Variants in KCND2 observed in about 807,000 individuals in gnomAD.
The protein encoded by KCND2 is A-type voltage-gated potassium channel KCND2.
Under a neutral mutation model 54.4 loss-of-function variants are expected in KCND2, and 16 were observed. The observed-to-expected ratio is 0.29, with a 90% CI of 0.20 to 0.45. The LOEUF (loss-of-function observed/expected upper bound fraction) is 0.45. Ranked by LOEUF, KCND2 falls within the 20% of genes least tolerant of loss-of-function variation. KCND2 has a pLI of 1.00. For missense variants in KCND2, 486 were observed against 824.2 expected, an observed-to-expected ratio of 0.59 and a Z score of 5.02; for synonymous variants, 317 against 310.7, an observed-to-expected ratio of 1.02 and a Z score of -0.21.
intron 1 of KCND2, among the ~76,000 whole-genome samples, chr7:120,417,963 AT>A (rs1351245140): frequency 6.6e-6 from 1 of 152,214 alleles, no homozygotes; most frequent in Admixed American, 6.5e-5. Context: ...ATAGGATAAA[AT>A]ATTCATGTTA....
At chr7:120,466,672 A>C (rs926075144) in intron 1 of KCND2, among the ~76,000 whole-genome samples, 7 of 152,142 alleles carry the variant, frequency 4.6e-5, no homozygotes, top group Admixed American at 4.6e-4. Flanking sequence ...ACCAACATTA[A>C]AGGTATATGC....
intron 1 of KCND2, among the ~76,000 whole-genome samples, chr7:120,312,891 C>G (rs1799759343): frequency 6.6e-6 from 1 of 152,008 alleles, no homozygotes; most frequent in Admixed American, 6.6e-5. Context: ...AAACTTGTGA[C>G]TTTTTTTAAA....
intron 1 of KCND2, among the ~76,000 whole-genome samples, chr7:120,595,746 T>C (rs924590547): frequency 6.6e-6 from 1 of 151,634 alleles, no homozygotes; most frequent in Admixed American, 6.6e-5. Flanking sequence ...TGTGTAAAAA[T>C]AATTGAACTT....
At chr7:120,633,309 A>C (rs1038004029) in intron 1 of KCND2, among the ~76,000 whole-genome samples, 2 of 152,210 alleles carry the variant, frequency 1.3e-5, no homozygotes, top group African/African-American at 4.8e-5. Context: ...CAAAGAGATT[A>C]GTTCATTTTG....
chr7:120,487,646 C>A (rs1222565605), intron 1 of KCND2, among the ~76,000 whole-genome samples: 6 of 152,094 alleles, frequency 3.9e-5, no homozygotes, highest in African/African-American at 1.4e-4. Context: ...AATGCAGTGA[C>A]CATGTGTGGT....
chr7:120,306,737 C>T (rs1799655421), intron 1 of KCND2, among the ~76,000 whole-genome samples: 1 of 151,946 alleles, frequency 6.6e-6, no homozygotes. Flanking sequence ...TATCATATTT[C>T]TCTTGAGCAT....
At chr7:120,394,131 T>C (rs1321583968) in intron 1 of KCND2, among the ~76,000 whole-genome samples, 1 of 151,970 alleles carries the variant, frequency 6.6e-6, no homozygotes, top group African/African-American at 2.4e-5. Context: ...TGAGACCGCA[T>C]CATTGAAGTA....
At chr7:120,508,445 A>G (rs555316827) in intron 1 of KCND2, among the ~76,000 whole-genome samples, 1 of 151,984 alleles carries the variant, frequency 6.6e-6, no homozygotes, top group Non-Finnish European at 1.5e-5. Context: ...TGCCAGAAAG[A>G]TGTTTTCAAG....
rs748330115 is a variant in KCND2 at position 120,684,415 on chromosome 7, C to A, written c.1116-48488C>A. Among the ~76,000 whole-genome samples, 46 of 152,074 alleles carry A rather than the reference C, an allele frequency of 3.0e-4. 1 individual carries two copies. Among genetic ancestry groups the A allele is most frequent in the Non-Finnish European group, 5.6e-4 (38 of 68,004 alleles). On this transcript the variant is annotated intron_variant, in intron 1 of 5. Transcript: ENST00000331113. ...TATAACAAGATATGTAAATTTCCTT[C>A]TTGGTGATAAGTGTAGCAAATTGCT...
rs777146396 is a variant in KCND2, at chr7:120,677,284, G to A, written c.1116-55619G>A. 7.2e-4 allele frequency among the ~76,000 whole-genome samples: 109 copies of A among 152,160 alleles called. 1 individual carries two copies. The highest frequency in any genetic ancestry group is 1.1e-3 in the Non-Finnish European group (77 of 67,986). ...CAAAGTATTTGCATGACTTACATCG[G>A]GGTTCTTTCAGTAGCCAGTCACCTT... On this transcript the variant is annotated intron_variant, in intron 1 of 5. Coordinates refer to ENST00000331113, the MANE Select transcript of KCND2 (RefSeq NM_012281.3).
At chr7:120,645,473 A>G (rs1793428388) in intron 1 of KCND2, among the ~76,000 whole-genome samples, 1 of 151,972 alleles carries the variant, frequency 6.6e-6, no homozygotes, top group South Asian at 2.1e-4. Flanking sequence ...GGCTGACCAC[A>G]TGACATGTGC....
At chr7:120,669,757 G>T (rs1349010264) in intron 1 of KCND2, among the ~76,000 whole-genome samples, 1 of 152,104 alleles carries the variant, frequency 6.6e-6, no homozygotes, top group African/African-American at 2.4e-5. Flanking sequence ...AAAACTTTCA[G>T]ATCTTAACCC....
intron 1 of KCND2, among the ~76,000 whole-genome samples, chr7:120,668,945 A>G (rs907035254): frequency 1.3e-5 from 2 of 152,076 alleles, no homozygotes; most frequent in Non-Finnish European, 2.9e-5. Context: ...AAAATGTTTT[A>G]CAGATGATCC....
chr7:120,349,051 T>G (rs1800363875), intron 1 of KCND2, among the ~76,000 whole-genome samples: 1 of 152,136 alleles, frequency 6.6e-6, no homozygotes, highest in African/African-American at 2.4e-5. Context: ...TTTAGTTAGC[T>G]CACTACAGAA....
intron 1 of KCND2, among the ~76,000 whole-genome samples, chr7:120,547,746 T>C (rs1792060488): frequency 6.6e-6 from 1 of 152,098 alleles, no homozygotes; most frequent in African/African-American, 2.4e-5. Flanking sequence ...AACAGGTGCT[T>C]CCTACATGTT....
intron 1 of KCND2, among the ~76,000 whole-genome samples, chr7:120,571,087 C>T (rs1010868388): frequency 7.9e-5 from 12 of 152,266 alleles, no homozygotes; most frequent in African/African-American, 2.4e-4. Flanking sequence ...TACACCCCTA[C>T]GAGCTTCACT....
At chr7:120,326,591 C>G (rs1799982560) in intron 1 of KCND2, among the ~76,000 whole-genome samples, 1 of 151,950 alleles carries the variant, frequency 6.6e-6, no homozygotes, top group African/African-American at 2.4e-5. Context: ...TAGAAGAACA[C>G]TTCAAGAAAG....
chr7:120,604,932 T>G (rs1045587383), intron 1 of KCND2, among the ~76,000 whole-genome samples: 1 of 152,204 alleles, frequency 6.6e-6, no homozygotes, highest in African/African-American at 2.4e-5. Flanking sequence ...TCCTACTCTA[T>G]CCAATTGTAA....
intron 1 of KCND2, among the ~76,000 whole-genome samples, chr7:120,422,037 A>G (rs1202113631): frequency 6.6e-6 from 1 of 152,232 alleles, no homozygotes; most frequent in East Asian, 1.9e-4. Flanking sequence ...TCTTTAGGAA[A>G]ATCATTAAGT....
Sources: allele counts gnomAD v4.1 joint callset (sites outside exome capture counted in the v4.1 genomes callset), GRCh38; gene constraint gnomAD v4.1.1; transcripts MANE v1.5; gene names NCBI Gene and HGNC (gene_info 2026-07-23, HGNC 2026-07-21).